Variants in BSND observed in about 807,000 individuals in gnomAD.
BSND encodes barttin.
A neutral mutation model predicts 18.8 loss-of-function variants in BSND; 13 were observed. That is an observed-to-expected ratio of 0.69 (90% confidence interval 0.45 to 1.10). The LOEUF (loss-of-function observed/expected upper bound fraction) is 1.10. Ranked by LOEUF, BSND falls within the 50% of genes least tolerant of loss-of-function variation. The pLI is 0.00. For missense variants in BSND, 379 were observed against 416.7 expected (o/e 0.91, Z 0.79); for synonymous variants, 170 against 161.8 (o/e 1.05, Z -0.39).
intron 2 of BSND, 86 bp from the exon 3 acceptor site, chr1:55,006,911 C>T (rs534573541): frequency 2.7e-4 from 425 of 1,596,970 alleles, no homozygotes; most frequent in Admixed American, 4.0e-4. Context: ...GGGGAGACCA[C>T]ATACCCAAAG....
intron 1 of BSND, among the ~76,000 whole-genome samples, chr1:55,003,449 G>A (rs1644373501): frequency 6.6e-6 from 1 of 151,986 alleles, no homozygotes; most frequent in African/African-American, 2.4e-5. Context: ...TTGCCCAGGA[G>A]CTCTGTTTTA....
chr1:55,008,217 C>A lies in BSND; in HGVS notation c.552C>A (p.Pro184=). The A allele has an allele frequency of 6.2e-7, 1 of 1,614,058 alleles. No homozygotes were observed. The highest frequency in any genetic ancestry group is 1.1e-5 in the South Asian group (1 of 91,058). Residue 184 remains proline (P), a synonymous_variant, in exon 4 of 4, where the codon CCC becomes CCA. Transcript: ENST00000651561. ...CTTGTGGTCTTTGTCCCTGCAGCCC[C>A]CTGGCCTGTCCCCAGGGCCCTGCCC... ...ERRLTQSWPG[P]LACPQGPAPL...
At chr1:55,004,373 A>G (rs765608037) in intron 1 of BSND, among the ~76,000 whole-genome samples, 7 of 152,188 alleles carry the variant, frequency 4.6e-5, no homozygotes, top group Non-Finnish European at 7.4e-5. Flanking sequence ...TGACCTGCCT[A>G]GGGCCCACAG....
At position 55,016,236 on chromosome 1, in the gene BSND, GAGAGAGAGAC is replaced by G. The variant is rs1485364850; in HGVS notation, c.*7618_*7627del. Among the ~76,000 whole-genome samples the G allele has an allele frequency of 6.6e-6, 1 of 152,112 alleles. No homozygotes were observed. The highest frequency in any genetic ancestry group is 1.5e-5 in the Non-Finnish European group (1 of 68,014). ...TAACGGAGAGAGAGAGACAGATGGA[GAGAGAGAGAC>G]AGAGAGAGAGAACTAGAAATCAGAC... On this transcript the variant is annotated 3_prime_UTR_variant, in exon 4 of 4. Coordinates refer to ENST00000651561, the MANE Select transcript of BSND (RefSeq NM_057176.3).
In BSND at chr1:55,008,674, C is replaced by G. The variant is rs758986555; in HGVS notation, c.*46C>G. 4 of 1,613,472 alleles carry G rather than the reference C, an allele frequency of 2.5e-6. No individual in the cohort carries two copies. In the East Asian group the frequency reaches 6.7e-5, roughly 27 times the overall value. On this transcript the variant is annotated 3_prime_UTR_variant, in exon 4 of 4. Transcript: ENST00000651561. ...TCTAGTCTGGAACTGCTGCTGACCC[C>G]TGTGTGACATCACAGGGCCTCAGTT...
intron 1 of BSND, among the ~76,000 whole-genome samples, chr1:54,999,579 C>G (rs1644351308): frequency 6.6e-6 from 1 of 152,142 alleles, no homozygotes; most frequent in African/African-American, 2.4e-5. Context: ...AAGGGTTGAT[C>G]AGAAGGCCCC....
chr1:55,007,983 C>A (rs986010163), intron 3 of BSND, among the ~76,000 whole-genome samples: 8 of 152,324 alleles, frequency 5.3e-5, no homozygotes, highest in Admixed American at 3.9e-4. Flanking sequence ...ATAGTAATAG[C>A]CCTATTTCAT....
rs1357957569 is a variant in BSND at position 55,008,465 on chromosome 1, G to A, written c.800G>A (p.Trp267Ter). 1.2e-6 allele frequency: 2 copies of A among 1,614,202 alleles called. No individual in the cohort carries two copies. ...QQWEIALPNN[W>*]QRYPRTKVEE... The stretch of plus-strand genomic sequence containing the variant: ...TGGGAAATAGCCCTGCCCAACAACT[G>A]GCAGCGGTACCCAAGGACAAAGGTG... Residue 267 changes from tryptophan to a stop codon, truncating the protein, a stop_gained, in exon 4 of 4, where the codon TGG (tryptophan) becomes TAG (stop). Transcript: ENST00000651561. LOFTEE classifies it low-confidence loss of function (END_TRUNC).
chr1:55,007,664 C>G (rs369335536), intron 3 of BSND, among the ~76,000 whole-genome samples: 1 of 152,116 alleles, frequency 6.6e-6, no homozygotes, highest in African/African-American at 2.4e-5. Flanking sequence ...CCAGAGGACC[C>G]GAGTTCAAAT....
intron 3 of BSND, among the ~76,000 whole-genome samples, chr1:55,007,567 G>A (rs1644398092): frequency 6.6e-6 from 1 of 152,172 alleles, no homozygotes; most frequent in South Asian, 2.1e-4. Context: ...GGAATGTTGA[G>A]GGTTGGGACA....
chr1:55,004,752 G>A (rs1406801947), intron 1 of BSND, among the ~76,000 whole-genome samples: 1 of 152,208 alleles, frequency 6.6e-6, no homozygotes, highest in Non-Finnish European at 1.5e-5. Context: ...TTCACTCCTT[G>A]CTGCTCCTAG....
intron 2 of BSND, among the ~76,000 whole-genome samples, chr1:55,006,318 C>T (rs962880824): frequency 2.0e-5 from 3 of 152,142 alleles, no homozygotes; most frequent in African/African-American, 7.2e-5. Flanking sequence ...AGTCACTTCC[C>T]GGCTGTGTGA....
intron 2 of BSND, 55 bp downstream of exon 2, chr1:55,005,171 C>T (rs1393763309): frequency 2.0e-6 from 3 of 1,530,988 alleles, no homozygotes; most frequent in African/African-American, 2.7e-5. Flanking sequence ...GCCAGTCTCC[C>T]CTGACTGAGG....
Position 55,012,045 on chromosome 1 carries a change from G to A in BSND, c.*3417G>A, listed in dbSNP as rs563046837. Among the ~76,000 whole-genome samples, 524 of 152,280 alleles carry A rather than the reference G, an allele frequency of 3.4e-3. 1 individual carries two copies. The highest frequency in any genetic ancestry group is 6.4e-3 in the Non-Finnish European group (435 of 68,010). ...CTCCTGTCAGGTTGGAGGGACTCTG[G>A]AAGTTTCCACCCTCTGGAGAGGGAA... On this transcript the variant is annotated 3_prime_UTR_variant, in exon 4 of 4. Transcript: ENST00000651561.
Position 55,010,794 on chromosome 1 carries a change from CT to C in BSND, c.*2167del, listed in dbSNP as rs1644418595. 1 of 152,248 alleles carries C rather than the reference CT, an allele frequency of 6.6e-6. No individual in the cohort carries two copies. The highest frequency in any genetic ancestry group is 1.5e-5 in the Non-Finnish European group (1 of 68,056). The allele number at this position is 152,248 out of a possible 1,614,324, so 9.4% of individuals were successfully genotyped here. A position where few individuals can be genotyped will look rare whatever the true frequency, so the allele number is the denominator to read the frequency against. Reference sequence around the variant, plus strand: ...AGGTGAGGGGTAGCATGCTCCTGTGCTCTGTTGCCTAAGGCAGGGCAGCCTA... The same window carrying C: ...AGGTGAGGGGTAGCATGCTCCTGTGCCTGTTGCCTAAGGCAGGGCAGCCTA... On this transcript the variant is annotated 3_prime_UTR_variant, in exon 4 of 4. Transcript: ENST00000651561.
Position 54,998,980 on chromosome 1 carries a change from C to G in BSND, c.-207C>G. Reference sequence around the variant, plus strand: ...GAGTAAAGGTGGCTGGGTGTGGGTCCGTTGAAGCGAGCCGCCTCCAGCCCT... The same window carrying G: ...GAGTAAAGGTGGCTGGGTGTGGGTCGGTTGAAGCGAGCCGCCTCCAGCCCT... On this transcript the variant is annotated 5_prime_UTR_variant, in exon 1 of 4. Coordinates refer to ENST00000651561, the MANE Select transcript of BSND (RefSeq NM_057176.3). The G allele has an allele frequency of 6.6e-6, 4 of 604,748 alleles. No homozygotes were observed. The highest frequency in any genetic ancestry group is 1.2e-5 in the Non-Finnish European group (4 of 344,908). 37.5% of individuals were successfully genotyped at this position (604,748 alleles called of 1,614,324 possible).
intron 3 of BSND, 64 bp from the exon 4 acceptor site, chr1:55,008,150 G>A: frequency 1.4e-6 from 2 of 1,437,260 alleles, no homozygotes; most frequent in Non-Finnish European, 1.9e-6. Context: ...GCTAGCGGCT[G>A]GAATGTGGAC....
intron 2 of BSND, among the ~76,000 whole-genome samples, chr1:55,006,766 A>C (rs1360860179): frequency 6.6e-6 from 1 of 152,148 alleles, no homozygotes; most frequent in African/African-American, 2.4e-5. Context: ...TCAGGTGAAA[A>C]AAACACTGGA....
In BSND at chr1:55,009,140, C is replaced by A. The variant is rs1233133263; in HGVS notation, c.*512C>A. The A allele has an allele frequency of 5.3e-6, 1 of 187,498 alleles. No individual in the cohort carries two copies. Among genetic ancestry groups the A allele is most frequent in the African/African-American group, 2.4e-5 (1 of 42,036 alleles). 11.6% of individuals were successfully genotyped at this position (187,498 alleles called of 1,614,324 possible). A position where few individuals can be genotyped will look rare whatever the true frequency, so the allele number is the denominator to read the frequency against. On this transcript the variant is annotated 3_prime_UTR_variant, in exon 4 of 4. Coordinates refer to ENST00000651561, the MANE Select transcript of BSND (RefSeq NM_057176.3). ...ACCTTCTGTGACTGACCCCTGCTGA[C>A]CTCATTCTCTCTGCTCCTCCAGTTC...
Sources: gnomAD v4.1 joint callset for allele counts (sites outside exome capture counted in the v4.1 genomes callset) on GRCh38, gnomAD v4.1.1 for gene constraint, MANE v1.5 for transcripts, NCBI Gene and HGNC (gene_info 2026-07-23, HGNC 2026-07-21) for gene names.